The following SNCAIP variants were observed in gnomAD, a reference collection of about 807,000 sequenced individuals.
SNCAIP encodes the protein synphilin-1.
In SNCAIP, 43 loss-of-function variants were observed where a neutral mutation model predicts 86.7. The observed-to-expected ratio is 0.50, with a 90% CI of 0.39 to 0.64. The LOEUF is 0.64. Ranked by LOEUF, SNCAIP falls within the 30% of genes least tolerant of loss-of-function variation. The pLI is 0.00. For missense variants in SNCAIP, 981 were observed against 1,103.1 expected (o/e 0.89, Z 1.57); for synonymous variants, 417 against 427.2 (o/e 0.98, Z 0.29).
intron 6 of SNCAIP, chr5:122,440,397 G>A (rs1780596959): frequency 1.9e-6 from 1 of 516,610 alleles, no homozygotes; most frequent in Non-Finnish European, 3.5e-6. Flanking sequence ...AGTAAAATAA[G>A]AGCGCTTCCA....
chr5:122,330,672 C>A (rs772212860), intron 1 of SNCAIP, among the ~76,000 whole-genome samples: 9 of 152,002 alleles, frequency 5.9e-5, no homozygotes, highest in Non-Finnish European at 1.0e-4. Flanking sequence ...TAGTAGTAAG[C>A]CATCATTTAA....
At chr5:122,311,650 G>A (rs1401560163), upstream of SNCAIP, 1 of 150,894 alleles carries the variant, frequency 6.6e-6, no homozygotes, top group African/African-American at 2.4e-5. Flanking sequence ...TCCAGGGGGA[G>A]AGGCCAAGAA....
At chr5:122,332,784 G>A (rs1241916410) in intron 1 of SNCAIP, among the ~76,000 whole-genome samples, 4 of 152,228 alleles carry the variant, frequency 2.6e-5, no homozygotes, top group Non-Finnish European at 4.4e-5. Flanking sequence ...AGAGCAGGCA[G>A]CAGTTGTGCT....
intron 1 of SNCAIP, among the ~76,000 whole-genome samples, chr5:122,322,020 A>C (rs13168118): frequency 0.092 from 13,951 of 152,278 alleles, 893 homozygotes; most frequent in Non-Finnish European, 0.14. Context: ...TCCAGTGAAC[A>C]AGCCTCCTGT....
At chr5:122,372,892 C>T (rs1764542332) in intron 1 of SNCAIP, among the ~76,000 whole-genome samples, 4 of 151,870 alleles carry the variant, frequency 2.6e-5, no homozygotes, top group African/African-American at 7.3e-5. Flanking sequence ...GTATTTCTAA[C>T]ATCCCTACAA....
chr5:122,432,517 T>G lies in SNCAIP; in HGVS notation c.1296+435T>G, dbSNP rs115779682. 5.5e-3 allele frequency among the ~76,000 whole-genome samples: 834 copies of G among 152,280 alleles called. 7 individuals carry two copies. Among genetic ancestry groups the G allele is most frequent in the African/African-American group, 0.019 (810 of 41,566 alleles). ...TGGCTTCGATTTTCTATTTTTTTAA[T>G]TTTTCAGTATTTTCCAAATTTTTTA... On this transcript the variant is annotated intron_variant, in intron 6 of 10. Coordinates refer to ENST00000261368, the MANE Select transcript of SNCAIP (RefSeq NM_005460.4).
chr5:122,436,317 G>A (rs1779462434), intron 6 of SNCAIP, among the ~76,000 whole-genome samples: 1 of 151,894 alleles, frequency 6.6e-6, no homozygotes, highest in Non-Finnish European at 1.5e-5. Flanking sequence ...AGGACTAAGT[G>A]AGAAAAGCCA....
chr5:122,451,401 G>C lies in SNCAIP; in HGVS notation c.2554G>C (p.Glu852Gln). 1.2e-6 allele frequency: 2 copies of C among 1,614,068 alleles called. No individual in the cohort carries two copies. Among genetic ancestry groups the C allele is most frequent in the Non-Finnish European group, 1.7e-6 (2 of 1,179,990 alleles). Residue 852 changes from glutamate (E) to glutamine (Q), a missense_variant, in exon 10 of 11, where the codon GAA becomes CAA. Transcript: ENST00000261368. ...RTLQRTSTSN[E>Q]SGDQLKRPFG... ...TCTCCAGCGGACCTCCACAAGTAAC[G>C]AATCGGGGGATCAACTGAAAAGGCC...
At chr5:122,433,087 A>C (rs1206020005) in intron 6 of SNCAIP, among the ~76,000 whole-genome samples, 11 of 148,190 alleles carry the variant, frequency 7.4e-5, no homozygotes, top group Non-Finnish European at 8.9e-5. Context: ...GGGATAGTTT[A>C]TTTTGTGCTG....
At chr5:122,462,601 T>C (rs1160977789) in intron 10 of SNCAIP, among the ~76,000 whole-genome samples, 1 of 152,202 alleles carries the variant, frequency 6.6e-6, no homozygotes, top group Admixed American at 6.5e-5. Flanking sequence ...ATGATGATGA[T>C]CAAATATATT....
chr5:122,399,112 C>T (rs989138281), intron 2 of SNCAIP, among the ~76,000 whole-genome samples: 1 of 152,054 alleles, frequency 6.6e-6, no homozygotes, highest in Admixed American at 6.6e-5. Flanking sequence ...ATTCCCAGCT[C>T]GACCCCTCTC....
At chr5:122,323,866 T>TC (rs761805659) in intron 1 of SNCAIP, among the ~76,000 whole-genome samples, 6 of 152,088 alleles carry the variant, frequency 3.9e-5, no homozygotes, top group Admixed American at 2.0e-4. Context: ...TTCTTTCTCC[T>TC]CCCCCCTCCA....
At chr5:122,372,865 A>G (rs796512143) in intron 1 of SNCAIP, among the ~76,000 whole-genome samples, 11 of 151,474 alleles carry the variant, frequency 7.3e-5, no homozygotes, top group African/African-American at 2.7e-4. Flanking sequence ...CTTCAGAAGT[A>G]TTTTCCACCA....
upstream of SNCAIP, chr5:122,312,135 C>G (rs1171761053): frequency 6.7e-6 from 1 of 149,672 alleles, no homozygotes; most frequent in African/African-American, 2.4e-5. Flanking sequence ...CGCCCGCGGC[C>G]GGGCCGCATT....
At chr5:122,372,661 G>A (rs920515764) in intron 1 of SNCAIP, among the ~76,000 whole-genome samples, 1 of 152,050 alleles carries the variant, frequency 6.6e-6, no homozygotes, top group Non-Finnish European at 1.5e-5. Flanking sequence ...TATTTCCCTA[G>A]CCTCTTGTGC....
At chr5:122,318,053 C>G (rs566247776) in intron 1 of SNCAIP, among the ~76,000 whole-genome samples, 224 of 152,132 alleles carry the variant, frequency 1.5e-3, no homozygotes, top group Middle Eastern at 6.8e-3. Context: ...TTGTCATAGT[C>G]CTGGAGAAAA....
chr5:122,386,829 A>C (rs1057312317), intron 1 of SNCAIP, among the ~76,000 whole-genome samples: 2 of 152,194 alleles, frequency 1.3e-5, no homozygotes, highest in African/African-American at 2.4e-5. Context: ...TCAAAAAAAA[A>C]AAAAATTAAA....
chr5:122,446,378 T>G (rs74380266), intron 8 of SNCAIP, among the ~76,000 whole-genome samples: 3,370 of 152,350 alleles, frequency 0.022, 124 homozygotes, highest in African/African-American at 0.076. Context: ...AGGTTCATAC[T>G]CAGAGAAGGG....
chr5:122,327,492 G>C (rs916719924), intron 1 of SNCAIP, among the ~76,000 whole-genome samples: 14 of 152,144 alleles, frequency 9.2e-5, no homozygotes, highest in African/African-American at 2.9e-4. Context: ...GAGGTGACTG[G>C]ATCACAGGGG....
Sources: gnomAD v4.1 joint callset for allele counts (sites outside exome capture counted in the v4.1 genomes callset) on GRCh38, gnomAD v4.1.1 for gene constraint, MANE v1.5 for transcripts, NCBI Gene and HGNC (gene_info 2026-07-23, HGNC 2026-07-21) for gene names.